ENTREP2: variants seen among roughly 807,000 people sequenced by gnomAD.
ENTREP2 encodes endosomal transmembrane epsin interactor 2.
At chr15:29,405,566 CT>C in the ENTREP2 span, among the ~76,000 whole-genome samples, 1 of 152,194 alleles carries the variant, frequency 6.6e-6, no homozygotes, top group Non-Finnish European at 1.5e-5. Context: ...CTGCCTCCCC[CT>C]CAACCCCCAA....
the ENTREP2 span, among the ~76,000 whole-genome samples, chr15:29,294,475 C>G: frequency 2.5e-4 from 38 of 152,292 alleles, no homozygotes; most frequent in African/African-American, 8.4e-4. Flanking sequence ...CCCTGGGCCT[C>G]CACAGTGGGG....
At chr15:29,503,542 TA>T in the ENTREP2 span, among the ~76,000 whole-genome samples, 1 of 152,034 alleles carries the variant, frequency 6.6e-6, no homozygotes, top group Non-Finnish European at 1.5e-5. Flanking sequence ...GTGACTATAC[TA>T]AAAAAACACT....
At chr15:29,560,265 G>C in the ENTREP2 span, among the ~76,000 whole-genome samples, 1 of 152,174 alleles carries the variant, frequency 6.6e-6, no homozygotes, top group Admixed American at 6.5e-5. Context: ...CTTATTTGGA[G>C]GGGAAATGAG....
At chr15:29,592,753 T>C in the ENTREP2 span, among the ~76,000 whole-genome samples, 4 of 152,070 alleles carry the variant, frequency 2.6e-5, no homozygotes, top group Non-Finnish European at 5.9e-5. Flanking sequence ...ATGAATAGAT[T>C]AATGCTGTCC....
the ENTREP2 span, among the ~76,000 whole-genome samples, chr15:29,272,376 G>C: frequency 6.6e-6 from 1 of 152,192 alleles, no homozygotes; most frequent in South Asian, 2.1e-4. Context: ...CATGTCTGCA[G>C]TTTTACTTTC....
the ENTREP2 span, among the ~76,000 whole-genome samples, chr15:29,656,993 G>A: frequency 7.2e-5 from 11 of 152,062 alleles, no homozygotes; most frequent in African/African-American, 2.2e-4. Flanking sequence ...TGCCGGCCAG[G>A]GTGTTCGTGG....
At chr15:29,531,145 C>A in the ENTREP2 span, among the ~76,000 whole-genome samples, 3 of 152,208 alleles carry the variant, frequency 2.0e-5, no homozygotes, top group African/African-American at 7.2e-5. Context: ...TTTCTTCTTA[C>A]CTACGAGGGC....
chr15:29,159,579 T>A, the ENTREP2 span, among the ~76,000 whole-genome samples: 1 of 152,262 alleles, frequency 6.6e-6, no homozygotes, highest in Non-Finnish European at 1.5e-5. Flanking sequence ...TTTGACAGGG[T>A]GCTGATTGGT....
At chr15:29,164,529 T>C in the ENTREP2 span, among the ~76,000 whole-genome samples, 2 of 152,238 alleles carry the variant, frequency 1.3e-5, no homozygotes, top group Non-Finnish European at 2.9e-5. Context: ...GGGTAGCTAT[T>C]CTTATATCAG....
the ENTREP2 span, among the ~76,000 whole-genome samples, chr15:29,220,754 T>C: frequency 1.7e-4 from 26 of 151,880 alleles, no homozygotes; most frequent in African/African-American, 5.8e-4. Flanking sequence ...TTCCAGAAAA[T>C]AGAACCTTTA....
At chr15:29,144,740 A>G in the ENTREP2 span, among the ~76,000 whole-genome samples, 4 of 152,010 alleles carry the variant, frequency 2.6e-5, no homozygotes, top group South Asian at 4.2e-4. Flanking sequence ...AGGAAAAAAC[A>G]AACAAAAAAA....
chr15:29,513,911 GAAACA>G, the ENTREP2 span, among the ~76,000 whole-genome samples: 1 of 152,144 alleles, frequency 6.6e-6, no homozygotes, highest in African/African-American at 2.4e-5. Context: ...GTGAACAAAA[GAAACA>G]ACAATCTCAC....
the ENTREP2 span, among the ~76,000 whole-genome samples, chr15:29,343,033 G>GGGGGC: frequency 2.0e-5 from 3 of 148,034 alleles, no homozygotes; most frequent in East Asian, 2.0e-4. Flanking sequence ...GGAATGGGGG[G>GGGGGC]GGTGGTTCTT....
the ENTREP2 span, chr15:29,137,236 G>A: frequency 6.9e-7 from 1 of 1,441,056 alleles, no homozygotes. Context: ...GGGACATCTT[G>A]TGTGGCTTGT....
chr15:29,379,640 C>T, the ENTREP2 span, among the ~76,000 whole-genome samples: 3 of 152,152 alleles, frequency 2.0e-5, no homozygotes, highest in African/African-American at 4.8e-5. Context: ...CCTGAGACCC[C>T]AGCCTGCTTC....
the ENTREP2 span, among the ~76,000 whole-genome samples, chr15:29,524,615 C>G: frequency 1.8e-4 from 27 of 152,206 alleles, no homozygotes; most frequent in Middle Eastern, 6.3e-3. Context: ...TTAGGATGAA[C>G]CTGGGCACTC....
the ENTREP2 span, among the ~76,000 whole-genome samples, chr15:29,516,663 G>GA: frequency 1.4e-3 from 218 of 152,262 alleles, no homozygotes; most frequent in African/African-American, 4.9e-3. Context: ...TTTCACTTTA[G>GA]AAGATGTGAA....
At chr15:29,421,100 T>A in the ENTREP2 span, among the ~76,000 whole-genome samples, 1 of 151,714 alleles carries the variant, frequency 6.6e-6, no homozygotes, top group Non-Finnish European at 1.5e-5. Flanking sequence ...GAGAAGAAAA[T>A]GAGTCCTGGA....
At chr15:29,656,874 T>C in the ENTREP2 span, among the ~76,000 whole-genome samples, 3 of 152,128 alleles carry the variant, frequency 2.0e-5, no homozygotes, top group African/African-American at 7.2e-5. Flanking sequence ...TGAAAACTCA[T>C]CTTCACACAA....
Sources: gnomAD v4.1 joint callset for allele counts (sites outside exome capture counted in the v4.1 genomes callset) on GRCh38, gnomAD v4.1.1 for gene constraint, MANE v1.5 for transcripts, NCBI Gene and HGNC (gene_info 2026-07-23, HGNC 2026-07-21) for gene names.